KAZN: variants seen among roughly 807,000 people sequenced by gnomAD.
KAZN encodes kazrin, periplakin interacting protein.
KAZN carries 40 observed loss-of-function variants against 87.4 expected under a neutral mutation model. The observed-to-expected ratio is 0.46, with a 90% CI of 0.36 to 0.60. KAZN has a LOEUF of 0.60. KAZN is among the 20% of genes least tolerant of loss of function. KAZN has a pLI of 0.00. For synonymous variants in KAZN, 466 were observed against 458.3 expected, an observed-to-expected ratio of 1.02 and a Z score of -0.22; for missense variants, 898 against 1,073.9, an observed-to-expected ratio of 0.84 and a Z score of 2.29.
chr1:14,201,563 A>G (rs370777572), intron 2 of KAZN, among the ~76,000 whole-genome samples: 4 of 151,830 alleles, frequency 2.6e-5, no homozygotes, highest in African/African-American at 9.7e-5. Context: ...TTGTGTATGG[A>G]CTCTGCAGAC....
chr1:14,871,571 G>C (rs1652133708), intron 1 of KAZN, among the ~76,000 whole-genome samples: 1 of 151,808 alleles, frequency 6.6e-6, no homozygotes, highest in African/African-American at 2.4e-5. Flanking sequence ...GATGCTTTCT[G>C]TGCATCTGAC....
At chr1:14,920,276 GTTTTTTT>G (rs55641056) in intron 1 of KAZN, among the ~76,000 whole-genome samples, 1 of 94,158 alleles carries the variant, frequency 1.1e-5, no homozygotes, top group African/African-American at 4.1e-5. Context: ...CCTCTTTTCT[GTTTTTTT>G]TTTTTTTTTT....
chr1:14,883,344 A>G (rs9429264), intron 1 of KAZN, among the ~76,000 whole-genome samples: 4,443 of 26,420 alleles, frequency 0.17, 694 homozygotes, highest in South Asian at 0.35. Flanking sequence ...GAGAGAGAGA[A>G]AGAAAGAAAG....
intron 1 of KAZN, among the ~76,000 whole-genome samples, chr1:14,816,519 C>T (rs1646568907): frequency 6.6e-6 from 1 of 152,144 alleles, no homozygotes; most frequent in African/African-American, 2.4e-5. Context: ...TCAGGGCTTC[C>T]TCAACATGGC....
chr1:15,017,495 C>A (rs1276885861), intron 2 of KAZN, among the ~76,000 whole-genome samples: 1 of 152,008 alleles, frequency 6.6e-6, no homozygotes, highest in Non-Finnish European at 1.5e-5. Context: ...TAGTTTTGTA[C>A]GACTGAATTT....
intron 2 of KAZN, among the ~76,000 whole-genome samples, chr1:14,225,262 G>A (rs1243678713): frequency 7.2e-5 from 11 of 152,106 alleles, no homozygotes; most frequent in Non-Finnish European, 1.5e-4. Flanking sequence ...CAACATCCAA[G>A]CTGAGAGTCA....
At chr1:14,456,878 G>A (rs1276698101) in intron 2 of KAZN, among the ~76,000 whole-genome samples, 3 of 152,046 alleles carry the variant, frequency 2.0e-5, no homozygotes, top group Middle Eastern at 3.2e-3. Context: ...TCAAGAGTTC[G>A]AGACCAGTCT....
intron 1 of KAZN, among the ~76,000 whole-genome samples, chr1:14,772,634 G>C (rs1192630954): frequency 6.6e-6 from 1 of 152,098 alleles, no homozygotes; most frequent in East Asian, 1.9e-4. Flanking sequence ...TGACCTGCCA[G>C]GTCACCTGAT....
chr1:14,409,877 TACTCTA>T lies in KAZN; in HGVS notation c.250-189104_250-189099del, dbSNP rs1290298874. The stretch of plus-strand genomic sequence containing the variant: ...CCATCAAAAAACAGAATATAACAGA[TACTCTA>T]AGGAGGAAAGTAGGGCAGATTTTTT... On this transcript the variant is annotated intron_variant, in intron 2 of 16. Coordinates refer to the KAZN transcript ENST00000636203. 3.9e-5 allele frequency among the ~76,000 whole-genome samples: 6 copies of T among 152,268 alleles called. No homozygotes were observed. In the East Asian group the frequency reaches 1.2e-3, roughly 29 times the overall value.
chr1:14,772,764 A>G lies in KAZN; in HGVS notation c.226+173541A>G, dbSNP rs530452892. 3.9e-5 allele frequency among the ~76,000 whole-genome samples: 6 copies of G among 152,150 alleles called. No individual in the cohort carries two copies. The South Asian group carries it at 1.2e-3, about 32-fold the overall frequency. ...GAGACCCCTTCCCCGAGGGTCCGCT[A>G]TTTCTAACCATGGATTGATCTTAAG... On this transcript the variant is annotated intron_variant, in intron 1 of 14. Transcript: ENST00000376030.
intron 2 of KAZN, among the ~76,000 whole-genome samples, chr1:14,181,337 G>C (rs1376533554): frequency 2.0e-5 from 3 of 152,180 alleles, no homozygotes; most frequent in Non-Finnish European, 2.9e-5. Flanking sequence ...CATTTGCCCC[G>C]GGGATTTCTT....
intron 2 of KAZN, among the ~76,000 whole-genome samples, chr1:14,300,039 G>A (rs930848990): frequency 2.0e-5 from 3 of 152,116 alleles, no homozygotes; most frequent in Non-Finnish European, 2.9e-5. Flanking sequence ...GTCCTGACTA[G>A]AGGAGAATGG....
At chr1:15,046,766 G>A (rs760676196) in intron 4 of KAZN, among the ~76,000 whole-genome samples, 5 of 152,222 alleles carry the variant, frequency 3.3e-5, no homozygotes, top group Non-Finnish European at 4.4e-5. Flanking sequence ...AGGGACTTCT[G>A]GGGTCCAGGG....
At chr1:14,502,171 C>T (rs1670292011) in intron 2 of KAZN, among the ~76,000 whole-genome samples, 1 of 151,950 alleles carries the variant, frequency 6.6e-6, no homozygotes, top group South Asian at 2.1e-4. Context: ...AGAGCCACTG[C>T]CAGGAATGCC....
At chr1:14,871,669 T>TGTGTGTGC (rs941507264) in intron 1 of KAZN, among the ~76,000 whole-genome samples, 2 of 151,658 alleles carry the variant, frequency 1.3e-5, no homozygotes, top group African/African-American at 4.9e-5. Flanking sequence ...TGTGTGTGTG[T>TGTGTGTGC]GTGTGTGTGT....
chr1:14,975,945 A>G (rs1000858260), intron 2 of KAZN, among the ~76,000 whole-genome samples: 1 of 151,044 alleles, frequency 6.6e-6, no homozygotes. Context: ...GGCAGGAGAA[A>G]GGCGCGAACC....
At position 14,735,422 on chromosome 1, in the gene KAZN, CCTT is replaced by C. The variant is rs1192812694; in HGVS notation, c.226+136207_226+136209del. Among the ~76,000 whole-genome samples the C allele has an allele frequency of 2.6e-5, 4 of 152,194 alleles. No homozygotes were observed. The highest frequency in any genetic ancestry group is 5.9e-5 in the Non-Finnish European group (4 of 68,034). On this transcript the variant is annotated intron_variant, in intron 1 of 14. Coordinates refer to ENST00000376030, the MANE Select transcript of KAZN (RefSeq NM_201628.3). This position sits in a 1 kb window ranked among gnomAD's most constrained non-coding sequence, Gnocchi z 4.3. ...GGAACACAAAAGAGGTATAGGATCT[CCTT>C]CTTCTTCCAGGCAGCCCTGCCCTGG...
At chr1:14,271,696 G>A (rs761433962) in intron 2 of KAZN, among the ~76,000 whole-genome samples, 16 of 152,122 alleles carry the variant, frequency 1.1e-4, no homozygotes, top group Non-Finnish European at 1.9e-4. Context: ...AATAGTTTTT[G>A]TCTCTAAATC....
intron 2 of KAZN, among the ~76,000 whole-genome samples, chr1:14,991,518 G>T (rs865973822): frequency 1.3e-5 from 2 of 152,326 alleles, no homozygotes; most frequent in Non-Finnish European, 2.9e-5. Context: ...CTAGGAGCCC[G>T]AGGAATGTGG....
Sources: allele counts gnomAD v4.1 joint callset (sites outside exome capture counted in the v4.1 genomes callset), GRCh38; gene constraint gnomAD v4.1.1; non-coding constraint Gnocchi (gnomAD v3.1); transcripts MANE v1.5; gene names NCBI Gene and HGNC (gene_info 2026-07-23, HGNC 2026-07-21).